Variants in ADGRF3 observed in about 807,000 individuals in gnomAD.
ADGRF3 encodes G protein-coupled receptor 113.
In ADGRF3, 85 loss-of-function variants were observed where a neutral mutation model predicts 93.2. That is an observed-to-expected ratio of 0.91 (90% CI 0.77 to 1.09). The LOEUF is 1.09. Among genes scored for constraint, ADGRF3 ranks in the 50% least tolerant of loss-of-function variants. The probability of loss-of-function intolerance (pLI) is 0.00; values close to 1 mark genes in which losing one functional copy is unlikely to be tolerated. For missense variants in ADGRF3, 1,125 were observed against 1,246.2 expected (o/e 0.90, Z 1.46); for synonymous variants, 534 against 532.5 (o/e 1.00, Z -0.04).
At chr2:26,343,362 G>A (rs1056493337) in intron 1 of ADGRF3, among the ~76,000 whole-genome samples, 2 of 152,122 alleles carry the variant, frequency 1.3e-5, no homozygotes, top group African/African-American at 4.8e-5. Flanking sequence ...CAGTTTCACT[G>A]AATTTCAGAG....
chr2:26,311,157 GA>G lies in ADGRF3; in HGVS notation c.2366del (p.Phe789SerfsTer56). 1.9e-6 allele frequency: 3 copies of G among 1,596,690 alleles called. No individual in the cohort carries two copies. The highest frequency in any genetic ancestry group is 1.7e-6 in the Non-Finnish European group (2 of 1,172,062). ...ACACCAGGGCCTGCGCCAGCATCCA[GA>G]AAAAGGTGGCCAGGTAGAGGAAATG... ...LCHFLYLATF[F>X]WMLAQALVLA... is the part of the protein sequence containing the mutation. On this transcript the variant is annotated frameshift_variant, in exon 10 of 14. Coordinates refer to ENST00000651242, the MANE Select transcript of ADGRF3 (RefSeq NM_001321971.2). LOFTEE classifies it high-confidence loss of function.
chr2:26,313,040 C>T lies in ADGRF3; in HGVS notation c.1352G>A (p.Ser451Asn), dbSNP rs867450960. 1.2e-6 allele frequency: 2 copies of T among 1,614,062 alleles called. No homozygotes were observed. Among genetic ancestry groups the T allele is most frequent in the Non-Finnish European group, 8.5e-7 (1 of 1,179,902 alleles). ...CAGGGTCAGTAAGTCGGAGGGTGAA[C>T]TTGCCTCTGCCGCCTGCCCTGGCAG... ...AQLPGQAAEA[S>N]SPSDLLTLLS... is the part of the protein sequence containing the mutation. The change falls in exon 9 of 14, where the codon AGT (serine) becomes AAT (asparagine). Residue 451 changes from serine (S) to asparagine (N), a missense_variant. Coordinates refer to ENST00000651242, the MANE Select transcript of ADGRF3 (RefSeq NM_001321971.2).
chr2:26,346,555 T>A lies in ADGRF3; in HGVS notation c.-321A>T. On this transcript the variant is annotated 5_prime_UTR_variant, in exon 1 of 14. It adds an upstream start codon to the 5' untranslated region. Coordinates refer to ENST00000651242, the MANE Select transcript of ADGRF3 (RefSeq NM_001321971.2). The stretch of plus-strand genomic sequence containing the variant: ...GTGATCATGGAGCGAGGGAATTCCC[T>A]TCCTATTTTTTTTAAACTTATTATT... The A allele has an allele frequency of 2.8e-6, 1 of 357,024 alleles. No individual in the cohort carries two copies. The highest frequency in any genetic ancestry group is 6.2e-5 in the South Asian group (1 of 16,066). 22.1% of individuals were successfully genotyped at this position (357,024 alleles called of 1,614,324 possible).
chr2:26,313,272 C>T (rs570758556), intron 8 of ADGRF3, 105 bp downstream of exon 8: 134 of 1,432,320 alleles, frequency 9.4e-5, no homozygotes, highest in Non-Finnish European at 1.3e-4. Flanking sequence ...AGAAGCTGAA[C>T]AGCCTGTGGG....
chr2:26,323,509 T>A lies in ADGRF3; in HGVS notation c.115-5947A>T, dbSNP rs532481868. Among the ~76,000 whole-genome samples the A allele has an allele frequency of 1.7e-4, 26 of 152,262 alleles. 1 individual carries two copies. In the South Asian group the frequency reaches 5.0e-3, roughly 29 times the overall value. Reference sequence around the variant, plus strand: ...TAGAGACAGGATCCTGTTATGTTGTTCAGGCTGGCCTCAAAGTCCTGGGCC... The same window carrying A: ...TAGAGACAGGATCCTGTTATGTTGTACAGGCTGGCCTCAAAGTCCTGGGCC... On this transcript the variant is annotated intron_variant, in intron 1 of 13. Transcript: ENST00000651242.
In ADGRF3 at chr2:26,346,309, G is replaced by A; in HGVS notation, c.-75C>T. 6.2e-7 allele frequency: 1 copy of A among 1,603,394 alleles called. No individual in the cohort carries two copies. The highest frequency in any genetic ancestry group is 8.5e-7 in the Non-Finnish European group (1 of 1,173,638). On this transcript the variant is annotated 5_prime_UTR_variant, in exon 1 of 14. Coordinates refer to ENST00000651242, the MANE Select transcript of ADGRF3 (RefSeq NM_001321971.2). ...TACAAGGTACCGCGGGCCGGCGGAT[G>A]CCCCTCTCCCTGCTCCCGGCCTCGC...
At chr2:26,319,577 T>C (rs1335132674) in intron 1 of ADGRF3, among the ~76,000 whole-genome samples, 4,016 of 46,324 alleles carry the variant, frequency 0.087, 240 homozygotes, top group Middle Eastern at 0.12. Flanking sequence ...CTTCCTTCCT[T>C]CCTTCCTTCC....
At chr2:26,324,467 A>C (rs577058395) in intron 1 of ADGRF3, among the ~76,000 whole-genome samples, 1 of 151,506 alleles carries the variant, frequency 6.6e-6, no homozygotes, top group African/African-American at 2.4e-5. Flanking sequence ...AGTACCCATT[A>C]GTTATTTTCC....
At position 26,309,590 on chromosome 2, in the gene ADGRF3, G is replaced by A; in HGVS notation, c.2938-9C>T. ...CAGCCTTCATTTGTGGCCTAGGAAG[G>A]GGTGGGAAGGCCCAATTGCAGGGCA... On this transcript the variant is annotated splice_polypyrimidine_tract_variant and intron_variant, in intron 12 of 13. Transcript: ENST00000651242. 6.2e-7 allele frequency: 1 copy of A among 1,611,808 alleles called. No individual in the cohort carries two copies. The highest frequency in any genetic ancestry group is 8.5e-7 in the Non-Finnish European group (1 of 1,179,302).
At position 26,314,609 on chromosome 2, in the gene ADGRF3, A is replaced by G. The variant is rs1212228095; in HGVS notation, c.733T>C (p.Cys245Arg). The G allele has an allele frequency of 6.2e-7, 1 of 1,613,854 alleles. No homozygotes were observed. ...SHHWAGEYMS[C>R]FEAQGFKWNL... ...CACTTGAAGCCCTGGGCCTCGAAGC[A>G]GCTCATGTACTCACCTGCAGAAACG... is the stretch of plus-strand genomic sequence containing the variant. Residue 245 changes from cysteine (C) to arginine (R), a missense_variant, in exon 6 of 14, where the codon TGC (cysteine) becomes CGC (arginine). Physicochemically the swap from Cys to Arg is radical, Grantham distance 180. Transcript: ENST00000651242.
intron 1 of ADGRF3, among the ~76,000 whole-genome samples, chr2:26,322,369 A>G (rs1372947630): frequency 1.3e-5 from 2 of 152,080 alleles, no homozygotes; most frequent in African/African-American, 4.8e-5. Flanking sequence ...CCCCCAAAAC[A>G]TAATTTTCCC....
intron 1 of ADGRF3, among the ~76,000 whole-genome samples, chr2:26,327,531 G>A (rs1353230437): frequency 6.6e-6 from 1 of 150,694 alleles, no homozygotes; most frequent in Non-Finnish European, 1.5e-5. Context: ...TGCAATAACA[G>A]AATACCACAG....
At chr2:26,314,317 G>C (rs980530899) in intron 6 of ADGRF3, 97 bp downstream of exon 6, 1 of 1,148,118 alleles carries the variant, frequency 8.7e-7, no homozygotes, top group Non-Finnish European at 1.2e-6. Flanking sequence ...TGGTTGAACT[G>C]TGGCCTCTGT....
intron 10 of ADGRF3, 85 bp from the exon 11 acceptor site, chr2:26,310,322 A>T (rs188302330): frequency 9.6e-6 from 14 of 1,461,988 alleles, no homozygotes; most frequent in Non-Finnish European, 1.3e-5. Flanking sequence ...TGTGTAATTC[A>T]CATCCTAAGG....
intron 1 of ADGRF3, among the ~76,000 whole-genome samples, chr2:26,322,987 A>T (rs149116070): frequency 1.1e-3 from 164 of 152,140 alleles, no homozygotes; most frequent in African/African-American, 3.8e-3. Context: ...AATACAAAAA[A>T]AATTAGCCAG....
intron 13 of ADGRF3, 123 bp downstream of exon 13, chr2:26,309,403 C>T: frequency 6.5e-7 from 1 of 1,528,980 alleles, no homozygotes; most frequent in Non-Finnish European, 8.8e-7. Context: ...TGTTTCCTAC[C>T]CTTTGGTGTG....
chr2:26,341,698 A>G (rs971877363), intron 1 of ADGRF3, among the ~76,000 whole-genome samples: 12 of 152,222 alleles, frequency 7.9e-5, no homozygotes, highest in African/African-American at 2.6e-4. Context: ...GGGTCTCCCT[A>G]TGTTGCCCAG....
chr2:26,320,446 A>G (rs1166475968), intron 1 of ADGRF3, among the ~76,000 whole-genome samples: 1 of 152,238 alleles, frequency 6.6e-6, no homozygotes, highest in Non-Finnish European at 1.5e-5. Context: ...CAGTGAGCTG[A>G]AATTGCACCA....
At chr2:26,309,673 T>G (rs1558375219) in intron 12 of ADGRF3, 92 bp from the exon 13 acceptor site, 4 of 1,482,804 alleles carry the variant, frequency 2.7e-6, no homozygotes, top group Non-Finnish European at 3.7e-6. Context: ...CTTTCTCACA[T>G]GCACTCCTGC....
Sources: allele counts gnomAD v4.1 joint callset (sites outside exome capture counted in the v4.1 genomes callset), GRCh38; gene constraint gnomAD v4.1.1; transcripts MANE v1.5; gene names NCBI Gene and HGNC (gene_info 2026-07-23, HGNC 2026-07-21).